ZNF131: variants seen among roughly 807,000 people sequenced by gnomAD.
ZNF131 encodes the protein zinc finger and BTB domain containing 35, also known as zinc finger protein 131.
A neutral mutation model predicts 60.0 loss-of-function variants in ZNF131; 7 were observed. The ratio of observed to expected loss-of-function variants is 0.12; its 90% CI spans 0.07 to 0.22. The LOEUF (loss-of-function observed/expected upper bound fraction) is 0.22, where lower values mean the gene tolerates loss of function less well. Ranked by LOEUF, ZNF131 falls within the 10% of genes least tolerant of loss-of-function variation. The pLI, the probability that ZNF131 is intolerant of heterozygous loss-of-function variation, is 1.00. For missense variants in ZNF131, 493 were observed against 740.9 expected (o/e 0.67, Z 3.88); for synonymous variants, 257 against 253.2 (o/e 1.01, Z -0.14).
intron 3 of ZNF131, among the ~76,000 whole-genome samples, chr5:43,138,209 T>C (rs1048425803): frequency 1.3e-5 from 2 of 152,174 alleles, no homozygotes; most frequent in African/African-American, 4.8e-5. Context: ...TAAAAATGTG[T>C]TAAGTGGGTA....
chr5:43,150,035 GT>G (rs927057837), intron 4 of ZNF131, among the ~76,000 whole-genome samples: 5 of 152,200 alleles, frequency 3.3e-5, no homozygotes, highest in Admixed American at 3.3e-4. Flanking sequence ...AGCAGCATGA[GT>G]TCCATGTTTG....
chr5:43,148,630 TAA>T (rs751408770), intron 4 of ZNF131, among the ~76,000 whole-genome samples: 1 of 152,262 alleles, frequency 6.6e-6, no homozygotes, highest in Non-Finnish European at 1.5e-5. Flanking sequence ...TATGTTTTAA[TAA>T]AACGTTGACA....
intron 4 of ZNF131, among the ~76,000 whole-genome samples, chr5:43,156,982 G>A (rs1749045831): frequency 1.3e-5 from 2 of 152,032 alleles, no homozygotes; most frequent in Non-Finnish European, 2.9e-5. Flanking sequence ...CAGCAGCATT[G>A]ACCACAAGAA....
At position 43,144,882 on chromosome 5, in the gene ZNF131, C is replaced by T. The variant is rs1157935952; in HGVS notation, c.371+5573C>T. On this transcript the variant is annotated intron_variant, in intron 4 of 6. Transcript: ENST00000682664. ...TCTGCTTGTTCATGGCAAAATTTTA[C>T]TCATCTTTCTGGTCTCAGGTGAGAG... 4.0e-5 allele frequency among the ~76,000 whole-genome samples: 6 copies of T among 151,842 alleles called. No individual in the cohort carries two copies. The East Asian group carries it at 1.2e-3, about 30-fold the overall frequency.
rs773146214 is a variant in ZNF131, at chr5:43,161,514, C to T, written c.637C>T (p.Leu213=). The T allele has an allele frequency of 6.2e-7, 1 of 1,614,130 alleles. No individual in the cohort carries two copies. Among genetic ancestry groups the T allele is most frequent in the African/African-American group, 1.3e-5 (1 of 74,944 alleles). The change falls in exon 5 of 7, where the codon CTG becomes TTG. Residue 213 remains leucine, a synonymous_variant. Transcript: ENST00000682664. ...TTCCTCTGATGATTCTGCTCTAGCA[C>T]TGTTGGCAGATATTACCAGCAAGTA... ...TGSSDDSALA[L]LADITSKYRQ... is the part of the protein sequence containing the mutation.
chr5:43,162,136 G>A (rs1749757672), intron 5 of ZNF131, among the ~76,000 whole-genome samples: 1 of 152,128 alleles, frequency 6.6e-6, no homozygotes, highest in African/African-American at 2.4e-5. Flanking sequence ...GGAAGTAATT[G>A]TTACTTTTAT....
chr5:43,124,458 AG>A, intron 3 of ZNF131: 1 of 152,332 alleles, frequency 6.6e-6, no homozygotes, highest in East Asian at 1.9e-4. Flanking sequence ...AAAACAAAAA[AG>A]AGTTAAGAAT....
chr5:43,145,109 G>A (rs1747415158), intron 4 of ZNF131, among the ~76,000 whole-genome samples: 2 of 151,764 alleles, frequency 1.3e-5, no homozygotes, highest in Admixed American at 1.3e-4. Flanking sequence ...TTTGTGGATG[G>A]GTTTGAAAAA....
chr5:43,136,650 CTTTT>C (rs139991070), intron 3 of ZNF131, among the ~76,000 whole-genome samples: 1 of 122,530 alleles, frequency 8.2e-6, no homozygotes, highest in Non-Finnish European at 1.7e-5. Context: ...TTTTCTTTTT[CTTTT>C]TTTTTTTTTT....
chr5:43,169,492 G>A (rs959356229), intron 5 of ZNF131, among the ~76,000 whole-genome samples: 1 of 152,180 alleles, frequency 6.6e-6, no homozygotes, highest in African/African-American at 2.4e-5. Context: ...GCTCAGGTAC[G>A]CATGCTTTTG....
intron 3 of ZNF131, among the ~76,000 whole-genome samples, chr5:43,135,779 G>A (rs537720187): frequency 4.8e-4 from 73 of 152,160 alleles, no homozygotes; most frequent in African/African-American, 1.7e-3. Flanking sequence ...GGAACACTCA[G>A]TATTGTTAAA....
chr5:43,126,920 TG>T, intron 3 of ZNF131, among the ~76,000 whole-genome samples: 1 of 152,158 alleles, frequency 6.6e-6, no homozygotes, highest in Non-Finnish European at 1.5e-5. Context: ...GAGTTTCTCT[TG>T]GAACTTTTCT....
chr5:43,165,926 C>T (rs1480470102), intron 5 of ZNF131, among the ~76,000 whole-genome samples: 1 of 152,244 alleles, frequency 6.6e-6, no homozygotes, highest in African/African-American at 2.4e-5. Context: ...TTCTGGATAA[C>T]TTGCTACAGC....
At chr5:43,132,656 G>C (rs1302292268) in intron 3 of ZNF131, among the ~76,000 whole-genome samples, 1 of 151,760 alleles carries the variant, frequency 6.6e-6, no homozygotes, top group Non-Finnish European at 1.5e-5. Context: ...GATTACAGGC[G>C]CGCGTAACCA....
At chr5:43,174,397 C>A in intron 6 of ZNF131, 50 bp from the exon 7 acceptor site, 1 of 1,434,734 alleles carries the variant, frequency 7.0e-7, no homozygotes, top group Non-Finnish European at 9.3e-7. Flanking sequence ...TTCATATTTC[C>A]TTCAGTTTGG....
Position 43,168,013 on chromosome 5 carries a change from A to G in ZNF131, c.1055-5305A>G, listed in dbSNP as rs1234981968. On this transcript the variant is annotated intron_variant, in intron 5 of 6. Transcript: ENST00000682664. Reference sequence around the variant, plus strand: ...GGCGACTCTGCAGAGTCCTGAGGCCATGCAGGGCATCACATGGTGAGGGAG... The same window carrying G: ...GGCGACTCTGCAGAGTCCTGAGGCCGTGCAGGGCATCACATGGTGAGGGAG... The G allele has an allele frequency of 6.7e-6, 3 of 446,630 alleles. No homozygotes were observed. The East Asian group carries it at 2.1e-4, about 31-fold the overall frequency. The allele number at this position is 446,630 out of a possible 1,614,324, so 27.7% of individuals were successfully genotyped here.
At chr5:43,144,213 C>T (rs1213631413) in intron 4 of ZNF131, among the ~76,000 whole-genome samples, 5 of 144,774 alleles carry the variant, frequency 3.5e-5, no homozygotes, top group Non-Finnish European at 7.5e-5. Context: ...TGAGCCACGG[C>T]GCCTGGCCTT....
rs867003104 is a variant in ZNF131, at chr5:43,153,589, C to T, written c.372-7660C>T. 4.6e-5 allele frequency among the ~76,000 whole-genome samples: 7 copies of T among 151,450 alleles called. No individual in the cohort carries two copies. In the South Asian group the frequency reaches 8.3e-4, roughly 18 times the overall value. ...CCTGGGAGGTGGAGTTTGCAGTAAG[C>T]GAGATCGTGCCATTGCATTCTAACC... is the stretch of plus-strand genomic sequence containing the variant. On this transcript the variant is annotated intron_variant, in intron 4 of 6. Coordinates refer to ENST00000682664, the MANE Select transcript of ZNF131 (RefSeq NM_001330707.2).
intron 3 of ZNF131, among the ~76,000 whole-genome samples, chr5:43,138,727 A>G (rs1243326854): frequency 1.3e-5 from 2 of 152,164 alleles, no homozygotes; most frequent in Non-Finnish European, 2.9e-5. Context: ...TGTGTGTGTG[A>G]TGTCGTTTAA....
Sources: gnomAD v4.1 joint callset for allele counts (sites outside exome capture counted in the v4.1 genomes callset) on GRCh38, gnomAD v4.1.1 for gene constraint, MANE v1.5 for transcripts, NCBI Gene and HGNC (gene_info 2026-07-23, HGNC 2026-07-21) for gene names.